The following MKLN1 variants were observed in gnomAD, a reference collection of about 807,000 sequenced individuals.
MKLN1 encodes muskelin.
Under a neutral mutation model 99.0 loss-of-function variants are expected in MKLN1, and 18 were observed. That is an observed-to-expected ratio of 0.18 (90% CI 0.13 to 0.27). MKLN1 has a LOEUF of 0.27. Among genes scored for constraint, MKLN1 ranks in the 10% least tolerant of loss-of-function variants. The probability of loss-of-function intolerance (pLI) is 1.00; values close to 1 mark genes in which losing one functional copy is unlikely to be tolerated. For synonymous variants in MKLN1, 288 were observed against 293.2 expected (o/e 0.98, Z 0.18); for missense variants, 621 against 875.9 (o/e 0.71, Z 3.67).
intron 17 of MKLN1, 25 bp downstream of exon 17, chr7:131,478,702 C>T: frequency 3.1e-6 from 5 of 1,605,310 alleles, no homozygotes; most frequent in Non-Finnish European, 4.2e-6. Flanking sequence ...ATAATTTATC[C>T]AGCTAGATGC....
chr7:131,328,306 G>A (rs1798954814), intron 1 of MKLN1: 1 of 333,244 alleles, frequency 3.0e-6, no homozygotes, highest in Non-Finnish European at 5.6e-6. Context: ...AGGAGGGCTT[G>A]GGGGGCGGAC....
intron 3 of MKLN1, among the ~76,000 whole-genome samples, chr7:131,312,298 C>T (rs1263268870): frequency 6.6e-6 from 1 of 152,146 alleles, no homozygotes; most frequent in Non-Finnish European, 1.5e-5. Flanking sequence ...GCTGGGATTA[C>T]AGGTGTGAGC....
At chr7:131,215,210 G>C (rs979331003) in intron 3 of MKLN1, among the ~76,000 whole-genome samples, 1 of 151,706 alleles carries the variant, frequency 6.6e-6, no homozygotes, top group Non-Finnish European at 1.5e-5. Context: ...CACCACACCA[G>C]CTAATTTTTG....
intron 2 of MKLN1, among the ~76,000 whole-genome samples, chr7:131,150,525 T>C (rs539123125): frequency 6.6e-6 from 1 of 151,932 alleles, no homozygotes; most frequent in Non-Finnish European, 1.5e-5. Context: ...ATAAAATAGC[T>C]ATTTCACAAA....
At chr7:131,132,307 G>A (rs1016161551) in intron 1 of MKLN1, among the ~76,000 whole-genome samples, 3 of 152,124 alleles carry the variant, frequency 2.0e-5, no homozygotes, top group Non-Finnish European at 2.9e-5. Context: ...GTGCCTACTG[G>A]TTTCTAACTG....
intron 3 of MKLN1, 36 bp from the exon 4 acceptor site, chr7:131,388,848 G>A (rs1307670645): frequency 7.2e-7 from 1 of 1,394,172 alleles, no homozygotes; most frequent in East Asian, 2.3e-5. Context: ...ACTAAATTAT[G>A]AAGTCAGATT....
At chr7:131,205,315 G>A (rs950794290) in intron 3 of MKLN1, among the ~76,000 whole-genome samples, 2 of 152,088 alleles carry the variant, frequency 1.3e-5, no homozygotes, top group Admixed American at 6.5e-5. Context: ...ACAACATTGG[G>A]AAATAATGTA....
chr7:131,354,238 C>T (rs1195735545), intron 1 of MKLN1, among the ~76,000 whole-genome samples: 2 of 151,972 alleles, frequency 1.3e-5, no homozygotes, highest in Non-Finnish European at 2.9e-5. Flanking sequence ...ATTGCTATGT[C>T]GAGTCTTCCA....
intron 1 of MKLN1, chr7:131,142,801 T>C: frequency 1.4e-6 from 1 of 692,728 alleles, no homozygotes; most frequent in East Asian, 6.6e-5. Context: ...CATCTGTCCC[T>C]TGTGGGCTTC....
At chr7:131,202,119 G>T (rs909930672) in intron 2 of MKLN1, among the ~76,000 whole-genome samples, 1 of 146,756 alleles carries the variant, frequency 6.8e-6, no homozygotes. Context: ...TATCTTTTTC[G>T]GGGTTTCTCC....
chr7:131,470,887 T>C lies in MKLN1; in HGVS notation c.1974T>C (p.Tyr658=). The part of the protein sequence containing the change: ...AQVDPLSALK[Y]LQNDLYITVD... Reference sequence around the variant, plus strand: ...TGGATCCCCTTAGTGCTCTGAAATATTTACAAAATGATCTTTATATAACTG... The same window carrying C: ...TGGATCCCCTTAGTGCTCTGAAATACTTACAAAATGATCTTTATATAACTG... The change falls in exon 16 of 18, where the codon TAT becomes TAC. Residue 658 remains tyrosine (Y), a synonymous_variant. Coordinates refer to ENST00000352689, the MANE Select transcript of MKLN1 (RefSeq NM_013255.5). The C allele has an allele frequency of 6.2e-7, 1 of 1,613,342 alleles. No homozygotes were observed. Among genetic ancestry groups the C allele is most frequent in the Non-Finnish European group, 8.5e-7 (1 of 1,179,434 alleles).
chr7:131,302,732 T>G (rs1798394101), intron 3 of MKLN1, among the ~76,000 whole-genome samples: 1 of 152,174 alleles, frequency 6.6e-6, no homozygotes. Flanking sequence ...AGTGCTTTGT[T>G]GTGTCTGAGA....
At chr7:131,433,838 A>G (rs1015516857) in intron 9 of MKLN1, among the ~76,000 whole-genome samples, 3 of 151,646 alleles carry the variant, frequency 2.0e-5, no homozygotes, top group African/African-American at 7.3e-5. Flanking sequence ...ATAAATCTAT[A>G]TATTAATTTG....
rs1486274528 is a variant in MKLN1 at position 131,227,485 on chromosome 7, CTCTTTCTTTCTCTTTCTTTCTT to C, written c.-179+24523_-179+24544del. On this transcript the variant is annotated intron_variant, in intron 3 of 7. Coordinates refer to the MKLN1 transcript ENST00000416992. ...TTTCTTTCTTTCTTTCTCTCTTTCT[CTCTTTCTTTCTCTTTCTTTCTT>C]TCTTTCTTTCTTTCTTTCTTTCTTT... 8.9e-4 allele frequency among the ~76,000 whole-genome samples: 79 copies of C among 88,704 alleles called. 3 individuals are homozygous for C. The East Asian group carries it at 0.023, about 26-fold the overall frequency. 58.2% of individuals were successfully genotyped at this position (88,704 alleles called of 152,430 possible). A position where few individuals can be genotyped will look rare whatever the true frequency, so the allele number is the denominator to read the frequency against.
At chr7:131,414,603 T>C in intron 7 of MKLN1, 42 bp from the exon 8 acceptor site, 1 of 1,384,496 alleles carries the variant, frequency 7.2e-7, no homozygotes, top group Non-Finnish European at 1.0e-6. Flanking sequence ...GATATGCTGT[T>C]CTTTGTTATT....
chr7:131,454,038 G>A (rs1490205113), intron 12 of MKLN1, among the ~76,000 whole-genome samples: 1 of 148,164 alleles, frequency 6.7e-6, no homozygotes, highest in African/African-American at 2.5e-5. Flanking sequence ...TTACATTCTG[G>A]TTGAAATGTA....
intron 16 of MKLN1, among the ~76,000 whole-genome samples, chr7:131,476,821 A>C (rs370055304): frequency 1.3e-5 from 2 of 152,216 alleles, no homozygotes; most frequent in African/African-American, 4.8e-5. Flanking sequence ...GCTTTATGCT[A>C]TCTGATTTCA....
At chr7:131,172,391 C>T (rs1415233652) in intron 2 of MKLN1, among the ~76,000 whole-genome samples, 2 of 152,026 alleles carry the variant, frequency 1.3e-5, no homozygotes, top group Non-Finnish European at 2.9e-5. Flanking sequence ...TCTCGGCTCA[C>T]TGGAAGCTCC....
At chr7:131,465,300 T>G (rs979209044) in intron 14 of MKLN1, among the ~76,000 whole-genome samples, 22 of 152,164 alleles carry the variant, frequency 1.4e-4, no homozygotes, top group African/African-American at 5.1e-4. Context: ...TGCAATAAAT[T>G]TAGGCAGTTA....
Sources: allele counts gnomAD v4.1 joint callset (sites outside exome capture counted in the v4.1 genomes callset), GRCh38; gene constraint gnomAD v4.1.1; transcripts MANE v1.5; gene names NCBI Gene and HGNC (gene_info 2026-07-23, HGNC 2026-07-21).